The following LRP5 variants were observed in gnomAD, a reference collection of about 807,000 sequenced individuals.
LRP5 encodes the protein low-density lipoprotein receptor-related protein 5.
In LRP5, 62 loss-of-function variants were observed where a neutral mutation model predicts 154.1. The observed-to-expected ratio is 0.40, with a 90% CI of 0.33 to 0.50. The LOEUF is 0.50. Ranked by LOEUF, LRP5 falls within the 20% of genes least tolerant of loss-of-function variation. The pLI, the probability that LRP5 is intolerant of heterozygous loss-of-function variation, is 0.55. For missense variants in LRP5, 1,915 were observed against 2,336.7 expected, an observed-to-expected ratio of 0.82 and a Z score of 3.72; for synonymous variants, 966 against 1,011.5, an observed-to-expected ratio of 0.96 and a Z score of 0.85.
chr11:68,386,859 C>T lies in LRP5; in HGVS notation c.1412+147C>T. On this transcript the variant is annotated intron_variant, in intron 6 of 22. Coordinates refer to ENST00000294304, the MANE Select transcript of LRP5 (RefSeq NM_002335.4). The surrounding 1 kb of genome is among the most constrained non-coding windows in gnomAD (Gnocchi z 7.9). Reference sequence around the variant, plus strand: ...TTAAAACACCGGCAGCTGGGCCCCACCCCCAGAGCGGTGATTCAGGAGCTC... The same window carrying T: ...TTAAAACACCGGCAGCTGGGCCCCATCCCCAGAGCGGTGATTCAGGAGCTC... 2.0e-6 allele frequency: 2 copies of T among 980,012 alleles called. No individual in the cohort carries two copies. Among genetic ancestry groups the T allele is most frequent in the South Asian group, 1.7e-5 (1 of 58,624 alleles). The allele number at this position is 980,012 out of a possible 1,614,324, so 60.7% of individuals were successfully genotyped here.
intron 13 of LRP5, among the ~76,000 whole-genome samples, chr11:68,418,092 T>C (rs2098663584): frequency 6.6e-6 from 1 of 152,072 alleles, no homozygotes; most frequent in Non-Finnish European, 1.5e-5. Flanking sequence ...AGTGTAGAAT[T>C]CCAGGACAGG....
At chr11:68,380,706 GCT>G (rs1310465056) in intron 5 of LRP5, among the ~76,000 whole-genome samples, 1 of 152,230 alleles carries the variant, frequency 6.6e-6, no homozygotes, top group African/African-American at 2.4e-5. Context: ...TCAGAAGAGA[GCT>G]GTGGTGGGCG....
At chr11:68,408,483 G>C (rs1239517088) in intron 9 of LRP5, among the ~76,000 whole-genome samples, 1 of 152,070 alleles carries the variant, frequency 6.6e-6, no homozygotes, top group East Asian at 1.9e-4. Context: ...AGTATAAAAA[G>C]AAAGTAAAAA....
intron 3 of LRP5, among the ~76,000 whole-genome samples, chr11:68,361,506 C>T (rs937043507): frequency 4.2e-5 from 6 of 144,464 alleles, no homozygotes; most frequent in East Asian, 2.2e-4. Flanking sequence ...GCGTGGTGGC[C>T]GGTGACTATA....
At chr11:68,443,585 A>ATATTTTT (rs1259673892) in intron 21 of LRP5, among the ~76,000 whole-genome samples, 2 of 24,834 alleles carry the variant, frequency 8.1e-5, no homozygotes, top group African/African-American at 3.1e-4. Context: ...ATATATATAT[A>ATATTTTT]TTTTTTTTTT....
rs1414320189 is a variant in LRP5 at position 68,425,273 on chromosome 11, T to A, written c.3408T>A (p.Ile1136=). 1 of 1,609,646 alleles carries A rather than the reference T, an allele frequency of 6.2e-7. No homozygotes were observed. Among genetic ancestry groups the A allele is most frequent in the South Asian group, 1.1e-5 (1 of 91,028 alleles). The change falls in exon 15 of 23, where the codon ATT becomes ATA. Residue 1136 remains isoleucine (I), a synonymous_variant. Coordinates refer to ENST00000294304, the MANE Select transcript of LRP5 (RefSeq NM_002335.4). The stretch of plus-strand genomic sequence containing the variant: ...GGGTGGACGCGGACCTGAAGCGCAT[T>A]GAGAGCTGTGACCTGTCAGGTACGC... ...LFWVDADLKR[I]ESCDLSGANR... is the part of the protein sequence containing the mutation.
chr11:68,300,987 T>C, the LRP5 span, among the ~76,000 whole-genome samples: 12 of 148,700 alleles, frequency 8.1e-5, no homozygotes, highest in African/African-American at 2.7e-4. Flanking sequence ...TGGAGTGCAA[T>C]GACGCGATCT....
intron 5 of LRP5, among the ~76,000 whole-genome samples, chr11:68,374,699 C>T (rs1374840521): frequency 6.6e-6 from 1 of 152,202 alleles, no homozygotes; most frequent in Non-Finnish European, 1.5e-5. Flanking sequence ...CCCCCTCCAC[C>T]ACTCTCCTGA....
At chr11:68,315,836 T>G (rs2098592979) in intron 1 of LRP5, among the ~76,000 whole-genome samples, 2 of 152,290 alleles carry the variant, frequency 1.3e-5, no homozygotes, top group African/African-American at 2.4e-5. Context: ...CTGGTTGTGA[T>G]CCACAAGGCA....
chr11:68,341,700 G>T (rs2098609234), intron 1 of LRP5, among the ~76,000 whole-genome samples: 1 of 152,090 alleles, frequency 6.6e-6, no homozygotes, highest in African/African-American at 2.4e-5. Context: ...CTTTGCCCAG[G>T]CCTGCCGGCT....
chr11:68,391,506 G>A (rs2098646320), intron 7 of LRP5, among the ~76,000 whole-genome samples: 1 of 151,772 alleles, frequency 6.6e-6, no homozygotes, highest in South Asian at 2.1e-4. Flanking sequence ...CAGGCAGCTT[G>A]CAGGGCAGGG....
chr11:68,353,659 G>A lies in LRP5; in HGVS notation c.489-3991G>A, dbSNP rs1460888370. The stretch of plus-strand genomic sequence containing the variant: ...CGAGGAGCATCTTGGCCTTCCTCCC[G>A]GCCCTGCTAGAGCCCCCGTCATCTC... On this transcript the variant is annotated intron_variant, in intron 2 of 22. Transcript: ENST00000294304. The surrounding 1 kb of genome is among the most constrained non-coding windows in gnomAD (Gnocchi z 4.5). 2.6e-5 allele frequency among the ~76,000 whole-genome samples: 4 copies of A among 152,090 alleles called. No individual in the cohort carries two copies. The highest frequency in any genetic ancestry group is 6.5e-5 in the Admixed American group (1 of 15,274).
intron 2 of LRP5, among the ~76,000 whole-genome samples, chr11:68,355,159 G>T (rs534331232): frequency 1.9e-4 from 29 of 152,308 alleles, no homozygotes; most frequent in African/African-American, 6.0e-4. Context: ...AGAGCACCAT[G>T]GTGGGGGAGG....
In LRP5 at chr11:68,423,637, G is replaced by C; in HGVS notation, c.3176G>C (p.Gly1059Ala). The change falls in exon 14 of 23, where the codon GGG becomes GCG. Residue 1059 changes from glycine to alanine, a missense_variant. Transcript: ENST00000294304. This position sits in a 1 kb window ranked among gnomAD's most constrained non-coding sequence, Gnocchi z 4.7. ...NVHRLSGEAM[G>A]VVLRGDRDKP... is the part of the protein sequence containing the mutation. ...CACAGGCTGAGCGGGGAAGCCATGG[G>C]GGTGGTGCTGCGTGGGGACCGCGAC... 6.2e-7 allele frequency: 1 copy of C among 1,614,158 alleles called. No individual in the cohort carries two copies. The highest frequency in any genetic ancestry group is 1.1e-5 in the South Asian group (1 of 91,088).
At chr11:68,351,841 T>C (rs1292930550) in intron 2 of LRP5, among the ~76,000 whole-genome samples, 3 of 152,074 alleles carry the variant, frequency 2.0e-5, no homozygotes, top group African/African-American at 7.2e-5. Flanking sequence ...GAAGGCCTCT[T>C]GGTGACTTTT....
Position 68,312,618 on chromosome 11 carries a change from GGGAGGCGGAGGCGCCGGGAGCCGCGCGA to G in LRP5, c.-92_-65del. The G allele has an allele frequency of 4.7e-6, 2 of 427,934 alleles. No homozygotes were observed. The highest frequency in any genetic ancestry group is 6.2e-6 in the Non-Finnish European group (2 of 320,848). 26.5% of individuals were successfully genotyped at this position (427,934 alleles called of 1,614,324 possible). Reference sequence around the variant, plus strand: ...CGTCCTGGTCCGCGGCGCCCGAGGGGGGAGGCGGAGGCGCCGGGAGCCGCGCGAGGAGCCGCCGCCGCCGCGCCATGGA... The same window carrying G: ...CGTCCTGGTCCGCGGCGCCCGAGGGGGGAGCCGCCGCCGCCGCGCCATGGA... On this transcript the variant is annotated 5_prime_UTR_variant, in exon 1 of 23. Transcript: ENST00000294304.
In LRP5 at chr11:68,411,520, C is replaced by A. The variant is rs1346986581; in HGVS notation, c.2403C>A (p.Asp801Glu). 2 of 1,613,800 alleles carry A rather than the reference C, an allele frequency of 1.2e-6. No homozygotes were observed. The highest frequency in any genetic ancestry group is 1.7e-6 in the Non-Finnish European group (2 of 1,180,042). Residue 801 changes from aspartate (D) to glutamate (E), a missense_variant, in exon 11 of 23, where the codon GAC becomes GAA. By Grantham distance (45) the Asp-to-Glu change is conservative (BLOSUM62 2). Transcript: ENST00000294304. Reference sequence around the variant, plus strand: ...GGACCAACTGCATGACGCTGGTGGACAAGGTGGGCCGGGCCAACGACCTCA... The same window carrying A: ...GGACCAACTGCATGACGCTGGTGGAAAAGGTGGGCCGGGCCAACGACCTCA... ...MDGTNCMTLVDKVGRANDLTI... is the reference protein window; with the variant it reads ...MDGTNCMTLVEKVGRANDLTI...
chr11:68,380,755 G>A (rs1193307443), intron 5 of LRP5, among the ~76,000 whole-genome samples: 1 of 152,194 alleles, frequency 6.6e-6, no homozygotes, highest in African/African-American at 2.4e-5. Context: ...AGGCCTCCAC[G>A]CTCAGATCAG....
At chr11:68,300,824 G>A in the LRP5 span, among the ~76,000 whole-genome samples, 6 of 149,628 alleles carry the variant, frequency 4.0e-5, no homozygotes. Context: ...CCAGGGAGAT[G>A]GGGTGCTCTA....
Sources: allele counts gnomAD v4.1 joint callset (sites outside exome capture counted in the v4.1 genomes callset), GRCh38; gene constraint gnomAD v4.1.1; non-coding constraint Gnocchi (gnomAD v3.1); transcripts MANE v1.5; gene names NCBI Gene and HGNC (gene_info 2026-07-23, HGNC 2026-07-21).